CNTN4: variants seen among roughly 807,000 people sequenced by gnomAD.
CNTN4 encodes contactin 4.
In CNTN4, 77 loss-of-function variants were observed where a neutral mutation model predicts 122.5. The observed-to-expected ratio is 0.63, with a 90% CI of 0.52 to 0.76. The LOEUF (loss-of-function observed/expected upper bound fraction) is 0.76. Among genes scored for constraint, CNTN4 ranks in the 30% least tolerant of loss-of-function variants. The probability of loss-of-function intolerance (pLI) is 0.00; values close to 1 mark genes in which losing one functional copy is unlikely to be tolerated. For missense variants in CNTN4, 1,256 were observed against 1,259.1 expected (o/e 1.00, Z 0.04); for synonymous variants, 512 against 447.0 (o/e 1.15, Z -1.83).
chr3:2,881,305 G>T (rs942116148), intron 8 of CNTN4, among the ~76,000 whole-genome samples: 23 of 152,122 alleles, frequency 1.5e-4, no homozygotes, highest in African/African-American at 5.1e-4. Context: ...CTGAGGTCAG[G>T]AATTCAAGAC....
At chr3:2,680,398 A>G (rs1285400576) in intron 4 of CNTN4, among the ~76,000 whole-genome samples, 2 of 152,184 alleles carry the variant, frequency 1.3e-5, no homozygotes, top group African/African-American at 4.8e-5. Context: ...ATTGTCAAAG[A>G]TTGGAAAACA....
intron 4 of CNTN4, among the ~76,000 whole-genome samples, chr3:2,596,211 T>C (rs1463116105): frequency 6.6e-6 from 1 of 152,202 alleles, no homozygotes. Context: ...CCCACCTTGA[T>C]TTATGTATTT....
At chr3:2,698,720 T>TA (rs2086185587) in intron 4 of CNTN4, among the ~76,000 whole-genome samples, 1 of 152,306 alleles carries the variant, frequency 6.6e-6, no homozygotes, top group South Asian at 2.1e-4. Context: ...CAAAAATATG[T>TA]AAAAATAGCC....
intron 4 of CNTN4, among the ~76,000 whole-genome samples, chr3:2,695,539 A>C (rs1406065949): frequency 6.6e-6 from 1 of 152,168 alleles, no homozygotes; most frequent in Non-Finnish European, 1.5e-5. Flanking sequence ...ATCTGATGTC[A>C]GTTTGATGTC....
intron 8 of CNTN4, among the ~76,000 whole-genome samples, chr3:2,872,181 A>G (rs898782818): frequency 6.6e-6 from 1 of 152,220 alleles, no homozygotes; most frequent in Non-Finnish European, 1.5e-5. Flanking sequence ...GACCACTCAT[A>G]TAGCATAACT....
intron 2 of CNTN4, among the ~76,000 whole-genome samples, chr3:2,111,478 T>A (rs2032951783): frequency 6.6e-6 from 1 of 152,116 alleles, no homozygotes; most frequent in African/African-American, 2.4e-5. Flanking sequence ...CATAATATAA[T>A]GTACTCCCCA....
chr3:2,116,470 G>A (rs531863412), intron 2 of CNTN4, among the ~76,000 whole-genome samples: 7 of 152,218 alleles, frequency 4.6e-5, no homozygotes, highest in African/African-American at 1.7e-4. Flanking sequence ...CCCCACGCTA[G>A]GTAATACCGA....
At chr3:2,489,825 C>G (rs995580255) in intron 3 of CNTN4, among the ~76,000 whole-genome samples, 2 of 152,180 alleles carry the variant, frequency 1.3e-5, no homozygotes, top group African/African-American at 4.8e-5. Context: ...TTCCAACATT[C>G]TCTGTTTTAT....
intron 4 of CNTN4, among the ~76,000 whole-genome samples, chr3:2,674,267 GT>G (rs1006446703): frequency 5.1e-4 from 77 of 150,564 alleles, no homozygotes; most frequent in South Asian, 2.7e-3. Context: ...TCCTCATCAC[GT>G]TTTTTTTTAT....
chr3:2,116,853 C>T (rs758654995), intron 2 of CNTN4, among the ~76,000 whole-genome samples: 1 of 152,110 alleles, frequency 6.6e-6, no homozygotes, highest in African/African-American at 2.4e-5. Context: ...TCCGGTTAAT[C>T]GATCGATCTG....
chr3:2,742,648 C>G (rs2089522449), intron 5 of CNTN4, among the ~76,000 whole-genome samples: 1 of 152,176 alleles, frequency 6.6e-6, no homozygotes, highest in South Asian at 2.1e-4. Flanking sequence ...CACAACCCCA[C>G]TCTCTGGAGA....
At chr3:2,810,633 A>T (rs1015963517) in intron 6 of CNTN4, among the ~76,000 whole-genome samples, 3 of 152,126 alleles carry the variant, frequency 2.0e-5, no homozygotes, top group Non-Finnish European at 2.9e-5. Context: ...TCATAGATTA[A>T]ATTTTCCTTT....
chr3:2,231,764 T>A (rs1474521612), intron 2 of CNTN4, among the ~76,000 whole-genome samples: 3 of 152,240 alleles, frequency 2.0e-5, no homozygotes, highest in African/African-American at 7.2e-5. Flanking sequence ...GTAATTTTAC[T>A]ATAGAATGAG....
intron 12 of CNTN4, 115 bp downstream of exon 12, chr3:2,903,120 G>GAGTA: frequency 9.9e-7 from 1 of 1,005,106 alleles, no homozygotes; most frequent in Admixed American, 2.3e-5. Flanking sequence ...GAAATCTTTA[G>GAGTA]GCCAAAGATG....
At chr3:2,321,493 G>T (rs895350550) in intron 2 of CNTN4, among the ~76,000 whole-genome samples, 2 of 152,068 alleles carry the variant, frequency 1.3e-5, no homozygotes, top group Non-Finnish European at 2.9e-5. Context: ...AATGAGAAGA[G>T]ATTTTTATTA....
chr3:2,594,221 G>C (rs2080647081), intron 4 of CNTN4, among the ~76,000 whole-genome samples: 1 of 43,284 alleles, frequency 2.3e-5, no homozygotes, highest in Non-Finnish European at 4.8e-5. Context: ...CACAATTTTG[G>C]AGAAACTGGT....
intron 2 of CNTN4, among the ~76,000 whole-genome samples, chr3:2,261,913 C>T (rs894369612): frequency 6.6e-6 from 1 of 152,112 alleles, no homozygotes; most frequent in African/African-American, 2.4e-5. Context: ...TCCCCAAATG[C>T]TGTCGTCTTT....
chr3:2,387,565 A>G lies in CNTN4; in HGVS notation c.-89+48332A>G, dbSNP rs1235150990. ...ATATTACTATTTGGTTACTTAATAC[A>G]TAGAAGAATATTTAATAATAGAGAC... is the stretch of plus-strand genomic sequence containing the variant. On this transcript the variant is annotated intron_variant, in intron 3 of 24. Coordinates refer to ENST00000418658, the MANE Select transcript of CNTN4 (RefSeq NM_175607.3). 2.0e-5 allele frequency among the ~76,000 whole-genome samples: 3 copies of G among 152,130 alleles called. No homozygotes were observed. In the East Asian group the frequency reaches 5.8e-4, roughly 29 times the overall value.
chr3:2,286,933 G>C (rs575448732), intron 2 of CNTN4, among the ~76,000 whole-genome samples: 1 of 152,316 alleles, frequency 6.6e-6, no homozygotes, highest in African/African-American at 2.4e-5. Context: ...TTCAGGTTTT[G>C]ATTGTACCCC....
Sources: allele counts gnomAD v4.1 joint callset (sites outside exome capture counted in the v4.1 genomes callset), GRCh38; gene constraint gnomAD v4.1.1; transcripts MANE v1.5; gene names NCBI Gene and HGNC (gene_info 2026-07-23, HGNC 2026-07-21).